NLGN3: variants seen among roughly 807,000 people sequenced by gnomAD.
NLGN3 encodes neuroligin 3.
NLGN3 carries 11 observed loss-of-function variants against 42.9 expected under a neutral mutation model. The ratio of observed to expected loss-of-function variants is 0.26; its 90% CI spans 0.16 to 0.42. The LOEUF (loss-of-function observed/expected upper bound fraction) is 0.42. Among genes scored for constraint, NLGN3 ranks in the 10% least tolerant of loss-of-function variants. The probability of loss-of-function intolerance (pLI) is 1.00; values close to 1 mark genes in which losing one functional copy is unlikely to be tolerated. For synonymous variants in NLGN3, 279 were observed against 312.7 expected (o/e 0.89, Z 1.14); for missense variants, 374 against 733.8 (o/e 0.51, Z 5.67).
chrX:71,174,466 G>A (rs2092475369), downstream of NLGN3, among the ~76,000 whole-genome samples: 3 of 112,016 alleles, frequency 2.7e-5, no homozygotes, highest in African/African-American at 9.7e-5. Context: ...TATTGATTGA[G>A]GGCAAGATTC....
At chrX:71,151,360 A>G (rs917529456) in intron 3 of NLGN3, among the ~76,000 whole-genome samples, 3 of 112,221 alleles carry the variant, frequency 2.7e-5, no homozygotes, top group African/African-American at 9.7e-5. Context: ...CCATGGGCCA[A>G]TCAGGAAGTG....
At chrX:71,164,070 C>A (rs1401189769) in intron 5 of NLGN3, 73 bp from the exon 6 acceptor site, 6 of 1,019,069 alleles carry the variant, frequency 5.9e-6, no homozygotes, top group Non-Finnish European at 8.2e-6. Flanking sequence ...CCCCTGTTGA[C>A]CCTGCCTGCC....
At position 71,155,317 on chromosome X, in the gene NLGN3, T is replaced by C. The variant is rs142371931; in HGVS notation, c.681T>C (p.Tyr227=). 10 of 1,211,153 alleles carry C rather than the reference T, an allele frequency of 8.3e-6. No individual in the cohort carries two copies. The African/African-American group carries it at 1.4e-4, about 17-fold the overall frequency. ...NMIDGSILAS[Y]GNVIVITLNY... ...TTGATGGCAGCATCCTCGCCAGTTA[T>C]GGCAATGTCATCGTCATCACCCTCA... The change falls in exon 5 of 8, where the codon TAT becomes TAC. Residue 227 remains tyrosine (Y), a synonymous_variant. Transcript: ENST00000358741.
chrX:71,168,823 A>AGAAAGAAAG (rs1556351461), intron 7 of NLGN3, among the ~76,000 whole-genome samples: 1 of 45,206 alleles, frequency 2.2e-5, no homozygotes, highest in African/African-American at 1.1e-4. Flanking sequence ...AGAAAAAAAA[A>AGAAAGAAAG]AGAAAGAAAG....
At chrX:71,171,666 C>G, downstream of NLGN3, 3 of 751,356 alleles carry the variant, frequency 4.0e-6, no homozygotes, top group Non-Finnish European at 4.7e-6. Context: ...CAGCGTCAGA[C>G]GTGGACTCCC....
chrX:71,156,562 C>A (rs2092409881), intron 5 of NLGN3, among the ~76,000 whole-genome samples: 1 of 110,335 alleles, frequency 9.1e-6, no homozygotes, highest in South Asian at 3.9e-4. Context: ...TATATGTACA[C>A]CCAGCACACA....
downstream of NLGN3, chrX:71,171,707 C>T (rs2092471637): frequency 1.4e-6 from 1 of 732,804 alleles, no homozygotes; most frequent in Admixed American, 8.7e-5. Context: ...AGCAGAGGCC[C>T]TCTCCTTCCC....
Position 71,148,851 on chromosome X carries a change from C to T in NLGN3, c.463C>T (p.Arg155Trp). 1.8e-6 allele frequency: 2 copies of T among 1,139,079 alleles called. No homozygotes were observed. Among genetic ancestry groups the T allele is most frequent in the Non-Finnish European group, 2.3e-6 (2 of 858,514 alleles). 93.9% of individuals were successfully genotyped at this position (1,139,079 alleles called of 1,213,427 possible). A position where few individuals can be genotyped will look rare whatever the true frequency, so the allele number is the denominator to read the frequency against. Residue 155 changes from arginine (R) to tryptophan (W), a missense_variant, in exon 3 of 8, where the codon CGG (arginine) becomes TGG (tryptophan). By Grantham distance (101) the Arg-to-Trp change is moderately radical. Coordinates refer to ENST00000358741, the MANE Select transcript of NLGN3 (RefSeq NM_181303.2). ...GTTTTTTATTCATTTTACAGTAAAG[C>T]GGATTTCCAAGGAATGCGCCCGAAA... ...NVYVPTEDVK[R>W]ISKECARKPN... is the part of the protein sequence containing the mutation.
chrX:71,172,627 C>CATGTGTGTGT (rs376125375), downstream of NLGN3, among the ~76,000 whole-genome samples: 2,111 of 100,502 alleles, frequency 0.021, 47 homozygotes, highest in African/African-American at 0.074. Context: ...TGTGTGCATG[C>CATGTGTGTGT]GTGTGTGTGT....
intron 5 of NLGN3, among the ~76,000 whole-genome samples, chrX:71,159,088 G>C (rs2092420369): frequency 9.0e-6 from 1 of 111,310 alleles, no homozygotes; most frequent in African/African-American, 3.3e-5. Flanking sequence ...CACTTTGGAA[G>C]GATGAGGTGG....
chrX:71,168,825 G>GAA (rs551564915), intron 7 of NLGN3, among the ~76,000 whole-genome samples: 3 of 37,914 alleles, frequency 7.9e-5, no homozygotes. Context: ...AAAAAAAAAA[G>GAA]AAAGAAAGAA....
chrX:71,168,841 G>GAAAGA, intron 7 of NLGN3, among the ~76,000 whole-genome samples: 1 of 81,508 alleles, frequency 1.2e-5, no homozygotes, highest in South Asian at 5.3e-4. Context: ...AAGAAAGAAA[G>GAAAGA]AAAGAAAGAA....
chrX:71,174,713 T>C (rs1240123612), downstream of NLGN3, among the ~76,000 whole-genome samples: 1 of 112,037 alleles, frequency 8.9e-6, no homozygotes, highest in Non-Finnish European at 1.9e-5. Context: ...TGGGTAAAGG[T>C]AAACCTAGGC....
At chrX:71,155,093 G>A (rs1197993278) in intron 4 of NLGN3, 121 bp from the exon 5 acceptor site, 2 of 782,979 alleles carry the variant, frequency 2.6e-6, no homozygotes, top group Middle Eastern at 4.2e-4. Flanking sequence ...TGCCCTCAGG[G>A]ATGGCGGTGG....
intron 5 of NLGN3, among the ~76,000 whole-genome samples, chrX:71,158,679 T>G (rs10127395): frequency 0.53 from 57,569 of 108,664 alleles, 12,677 homozygotes; most frequent in African/African-American, 0.84. Context: ...GAGAAGAAAA[T>G]GAGAGGATAA....
At chrX:71,166,890 G>C in intron 6 of NLGN3, 121 bp from the exon 7 acceptor site, 1 of 631,236 alleles carries the variant, frequency 1.6e-6, no homozygotes, top group South Asian at 2.4e-5. Context: ...CCTGCCAAAA[G>C]AGTTGTTCCC....
intron 6 of NLGN3, among the ~76,000 whole-genome samples, 156 bp from the exon 7 acceptor site, chrX:71,166,854 AC>A (rs889503838): frequency 1.8e-5 from 2 of 111,496 alleles, no homozygotes; most frequent in Admixed American, 1.9e-4. Flanking sequence ...GGGTTCAGCA[AC>A]CCCTCCTTTG....
At chrX:71,145,565 C>T (rs1205373749) in intron 1 of NLGN3, among the ~76,000 whole-genome samples, 1 of 109,120 alleles carries the variant, frequency 9.2e-6, no homozygotes, top group Non-Finnish European at 1.9e-5. Context: ...CTCCCCTTGT[C>T]TTCTCCCAAA....
Position 71,167,742 on chromosome X carries a change from A to T in NLGN3, c.1645A>T (p.Asn549Tyr). The T allele has an allele frequency of 8.3e-7, 1 of 1,211,343 alleles. No individual in the cohort carries two copies. The highest frequency in any genetic ancestry group is 1.1e-6 in the Non-Finnish European group (1 of 895,443). The change falls in exon 7 of 8, where the codon AAT (asparagine) becomes TAT (tyrosine). Residue 549 changes from asparagine (N) to tyrosine (Y), a missense_variant. Physicochemically the swap from Asn to Tyr is moderately radical, Grantham distance 143. This residue lies in a region of NLGN3 where 142 missense variants were observed against 359.1 expected (regional missense o/e 0.40). Coordinates refer to ENST00000358741, the MANE Select transcript of NLGN3 (RefSeq NM_181303.2). ...CCTTTTCCCCTGCAACTTCTCCAAGAATGATGTTATGCTCAGTGCTGTCGT... is the reference window on the plus strand; with the variant it reads ...CCTTTTCCCCTGCAACTTCTCCAAGTATGATGTTATGCTCAGTGCTGTCGT... ...TDLFPCNFSK[N>Y]DVMLSAVVMT...
Sources: allele counts gnomAD v4.1 joint callset (sites outside exome capture counted in the v4.1 genomes callset), GRCh38; gene constraint gnomAD v4.1.1; regional missense constraint gnomAD v4.1.1; transcripts MANE v1.5; gene names NCBI Gene and HGNC (gene_info 2026-07-23, HGNC 2026-07-21).